DTWD2: variants seen among roughly 807,000 people sequenced by gnomAD.
DTWD2 encodes tRNA-uridine aminocarboxypropyltransferase 2.
In DTWD2, 39 loss-of-function variants were observed where a neutral mutation model predicts 31.8. The observed-to-expected ratio is 1.22, with a 90% CI of 0.95 to 1.60. DTWD2 has a LOEUF of 1.60. Ranked by LOEUF, DTWD2 falls within the 40% of genes most tolerant of loss-of-function variation. The probability of loss-of-function intolerance (pLI) is 0.00; values close to 1 mark genes in which losing one functional copy is unlikely to be tolerated. For synonymous variants in DTWD2, 180 were observed against 142.8 expected, an observed-to-expected ratio of 1.26 and a Z score of -1.86; for missense variants, 515 against 381.5, an observed-to-expected ratio of 1.35 and a Z score of -2.92.
intron 3 of DTWD2, among the ~76,000 whole-genome samples, chr5:118,934,145 G>C (rs1753984444): frequency 6.7e-6 from 1 of 149,980 alleles, no homozygotes; most frequent in Non-Finnish European, 1.5e-5. Flanking sequence ...CTGATAAAAA[G>C]CAAAAAGGAC....
chr5:118,904,288 T>C (rs1341021542), intron 4 of DTWD2, among the ~76,000 whole-genome samples: 1 of 152,070 alleles, frequency 6.6e-6, no homozygotes, highest in Admixed American at 6.6e-5. Flanking sequence ...GTTAATGTTT[T>C]CAAAGATATT....
chr5:118,964,935 T>C (rs1754796819), intron 1 of DTWD2, among the ~76,000 whole-genome samples: 3 of 138,328 alleles, frequency 2.2e-5, no homozygotes, highest in East Asian at 2.2e-4. Flanking sequence ...TCTGCCCGGC[T>C]GCCCAGTCTG....
intron 4 of DTWD2, among the ~76,000 whole-genome samples, chr5:118,921,780 A>G (rs1303572468): frequency 6.6e-6 from 1 of 152,224 alleles, no homozygotes; most frequent in Non-Finnish European, 1.5e-5. Context: ...AGACTGTGTT[A>G]AAATGTAAAC....
At chr5:118,921,449 G>A (rs73239061) in intron 4 of DTWD2, among the ~76,000 whole-genome samples, 5,992 of 150,986 alleles carry the variant, frequency 0.04, 397 homozygotes, top group African/African-American at 0.14. Context: ...GAGCCTAGGA[G>A]TTGGAAGCTG....
At chr5:118,973,712 G>T in intron 1 of DTWD2, 1 of 1,540,798 alleles carries the variant, frequency 6.5e-7, no homozygotes. Context: ...CCGCCGCCGC[G>T]GACTCCGGCA....
intron 2 of DTWD2, among the ~76,000 whole-genome samples, chr5:118,940,528 T>C (rs1754155139): frequency 6.6e-6 from 1 of 152,240 alleles, no homozygotes; most frequent in Non-Finnish European, 1.5e-5. Flanking sequence ...CATATAACCA[T>C]ACAATATATG....
intron 1 of DTWD2, among the ~76,000 whole-genome samples, chr5:118,981,484 T>A (rs900533793): frequency 6.6e-5 from 10 of 152,058 alleles, no homozygotes; most frequent in Non-Finnish European, 1.5e-4. Context: ...AATACATACC[T>A]TTTCAACTAG....
At chr5:118,846,146 C>T (rs1751847370) in intron 5 of DTWD2, among the ~76,000 whole-genome samples, 2 of 152,076 alleles carry the variant, frequency 1.3e-5, no homozygotes, top group Admixed American at 1.3e-4. Flanking sequence ...ACATTCTTAG[C>T]TAATAGGATT....
At chr5:118,915,973 A>C (rs1753566539) in intron 4 of DTWD2, among the ~76,000 whole-genome samples, 1 of 152,246 alleles carries the variant, frequency 6.6e-6, no homozygotes, top group Non-Finnish European at 1.5e-5. Flanking sequence ...AAGATAAAGA[A>C]GTTGGATAAA....
intron 5 of DTWD2, among the ~76,000 whole-genome samples, chr5:118,845,604 T>C (rs1751834552): frequency 6.6e-6 from 1 of 152,162 alleles, no homozygotes; most frequent in African/African-American, 2.4e-5. Context: ...TCAAATATCC[T>C]TTTTCTACTC....
At chr5:118,956,861 A>G (rs1268377471) in intron 1 of DTWD2, among the ~76,000 whole-genome samples, 1 of 152,154 alleles carries the variant, frequency 6.6e-6, no homozygotes, top group Non-Finnish European at 1.5e-5. Context: ...GATACACTGC[A>G]TTACACATAA....
At chr5:118,899,119 A>G (rs1222197468) in intron 4 of DTWD2, among the ~76,000 whole-genome samples, 1 of 152,132 alleles carries the variant, frequency 6.6e-6, no homozygotes, top group Non-Finnish European at 1.5e-5. Flanking sequence ...TTAGTGCCAC[A>G]TTTTTGCACT....
chr5:118,852,684 G>A (rs142979300), intron 4 of DTWD2, among the ~76,000 whole-genome samples: 4 of 151,738 alleles, frequency 2.6e-5, no homozygotes, highest in African/African-American at 7.3e-5. Flanking sequence ...AATTAAAACC[G>A]AACTATCAAT....
At chr5:118,945,253 C>T (rs1754304959) in intron 1 of DTWD2, among the ~76,000 whole-genome samples, 3 of 152,106 alleles carry the variant, frequency 2.0e-5, no homozygotes. Context: ...ATTTTACTTA[C>T]ATTTTAGTGC....
At chr5:118,858,091 T>C (rs757318747) in intron 4 of DTWD2, among the ~76,000 whole-genome samples, 5 of 152,184 alleles carry the variant, frequency 3.3e-5, no homozygotes, top group Non-Finnish European at 5.9e-5. Context: ...AATAAGCTTA[T>C]TGTTATAATG....
intron 1 of DTWD2, chr5:118,974,743 T>C (rs1271538872): frequency 1.8e-5 from 8 of 436,180 alleles, no homozygotes; most frequent in Non-Finnish European, 3.2e-5. Context: ...TTGGCCTGTT[T>C]GATGTATGTG....
At chr5:118,973,079 C>CCTTT (rs1221777850) in intron 1 of DTWD2, among the ~76,000 whole-genome samples, 3 of 139,992 alleles carry the variant, frequency 2.1e-5, no homozygotes, top group Non-Finnish European at 3.1e-5. Flanking sequence ...TTGCAACCCC[C>CCTTT]TTTTTTTTTT....
chr5:118,847,534 T>C (rs949301939), intron 5 of DTWD2, among the ~76,000 whole-genome samples: 3 of 152,172 alleles, frequency 2.0e-5, no homozygotes, highest in Non-Finnish European at 4.4e-5. Flanking sequence ...TTATTAATTA[T>C]ATATGAAATC....
intron 3 of DTWD2, among the ~76,000 whole-genome samples, chr5:118,935,198 C>G (rs1267983120): frequency 6.6e-6 from 1 of 152,226 alleles, no homozygotes; most frequent in Non-Finnish European, 1.5e-5. Flanking sequence ...GGCATGGAAG[C>G]TCTGCAGCCC....
Sources: allele counts gnomAD v4.1 joint callset (sites outside exome capture counted in the v4.1 genomes callset), GRCh38; gene constraint gnomAD v4.1.1; transcripts MANE v1.5; gene names NCBI Gene and HGNC (gene_info 2026-07-23, HGNC 2026-07-21).